The following PTGES variants were observed in gnomAD, a reference collection of about 807,000 sequenced individuals.
The protein encoded by PTGES is MGST1-like 1.
In PTGES, 3 loss-of-function variants were observed where a neutral mutation model predicts 11.8. That is an observed-to-expected ratio of 0.25 (90% CI 0.12 to 0.66). PTGES has a LOEUF of 0.66. PTGES is among the 30% of genes least tolerant of loss of function. PTGES has a pLI of 0.82. For synonymous variants in PTGES, 94 were observed against 90.4 expected (o/e 1.04, Z -0.22); for missense variants, 180 against 213.0 (o/e 0.85, Z 0.96).
intron 2 of PTGES, among the ~76,000 whole-genome samples, chr9:129,747,879 G>C (rs185370447): frequency 1.0e-3 from 157 of 151,878 alleles, no homozygotes; most frequent in Non-Finnish European, 2.0e-3. Flanking sequence ...GCATGATGGT[G>C]CACGCCTGTA....
chr9:129,752,414 G>A (rs1254762202), intron 1 of PTGES, among the ~76,000 whole-genome samples: 1 of 152,228 alleles, frequency 6.6e-6, no homozygotes, highest in Non-Finnish European at 1.5e-5. Flanking sequence ...GTGCCCGGCT[G>A]GGAGCTGGCC....
At chr9:129,744,884 A>C (rs1833036473) in intron 2 of PTGES, among the ~76,000 whole-genome samples, 1 of 152,090 alleles carries the variant, frequency 6.6e-6, no homozygotes, top group Non-Finnish European at 1.5e-5. Context: ...TCTCAAAAAA[A>C]AAAAAAATTT....
intron 2 of PTGES, among the ~76,000 whole-genome samples, chr9:129,744,316 G>T (rs1204270334): frequency 6.6e-6 from 1 of 152,158 alleles, no homozygotes; most frequent in African/African-American, 2.4e-5. Flanking sequence ...GGCTGGGTGT[G>T]GTGGCACACA....
In PTGES at chr9:129,745,470, G is replaced by A. The variant is rs1028018694; in HGVS notation, c.209+3185C>T. On this transcript the variant is annotated intron_variant, in intron 2 of 2. Coordinates refer to ENST00000340607, the MANE Select transcript of PTGES (RefSeq NM_004878.5). The surrounding 1 kb of genome is among the most constrained non-coding windows in gnomAD (Gnocchi z 4.2). The stretch of plus-strand genomic sequence containing the variant: ...TTGCTTCCAGGTGGTCTCCCCCTTC[G>A]GGTTCCAGCCAGTTCTCCGGTAGCA... Among the ~76,000 whole-genome samples, 1 of 152,098 alleles carries A rather than the reference G, an allele frequency of 6.6e-6. No homozygotes were observed. The highest frequency in any genetic ancestry group is 2.4e-5 in the African/African-American group (1 of 41,404).
At chr9:129,752,527 G>C in intron 1 of PTGES, among the ~76,000 whole-genome samples, 1 of 152,218 alleles carries the variant, frequency 6.6e-6, no homozygotes, top group East Asian at 1.9e-4. Context: ...ACTCCACCCA[G>C]ATATCAGACC....
chr9:129,739,364 GTCTTGAAATGGTT>G lies in PTGES; in HGVS notation c.*234_*246del. 1 of 538,336 alleles carries G rather than the reference GTCTTGAAATGGTT, an allele frequency of 1.9e-6. No homozygotes were observed. Among genetic ancestry groups the G allele is most frequent in the Non-Finnish European group, 3.3e-6 (1 of 303,828 alleles). The allele number at this position is 538,336 out of a possible 1,614,324, so 33.3% of individuals were successfully genotyped here. A position where few individuals can be genotyped will look rare whatever the true frequency, so the allele number is the denominator to read the frequency against. On this transcript the variant is annotated 3_prime_UTR_variant, in exon 3 of 3. Coordinates refer to ENST00000340607, the MANE Select transcript of PTGES (RefSeq NM_004878.5). This position sits in a 1 kb window ranked among gnomAD's most constrained non-coding sequence, Gnocchi z 5.7. The stretch of plus-strand genomic sequence containing the variant: ...GATTTTCTATCAATCTTCACAATCT[GTCTTGAAATGGTT>G]CCCATCAGCCACTTCGTGCAGGAAT...
chr9:129,742,390 G>A (rs1443843560), intron 2 of PTGES, among the ~76,000 whole-genome samples: 1 of 148,512 alleles, frequency 6.7e-6, no homozygotes, highest in East Asian at 2.0e-4. Flanking sequence ...TCTGGCAATT[G>A]AGCTGTGGGT....
chr9:129,745,793 C>G lies in PTGES; in HGVS notation c.209+2862G>C, dbSNP rs10988490. On this transcript the variant is annotated intron_variant, in intron 2 of 2. Coordinates refer to ENST00000340607, the MANE Select transcript of PTGES (RefSeq NM_004878.5). This position sits in a 1 kb window ranked among gnomAD's most constrained non-coding sequence, Gnocchi z 4.2. ...GCCTGTAATCCCAGCACTTTGGAAG[C>G]CCGAGGCAGGTGGATCACCTGAGGT... 0.094 allele frequency among the ~76,000 whole-genome samples: 14,224 copies of G among 152,106 alleles called. 715 individuals are homozygous for G. Among genetic ancestry groups the G allele is most frequent in the East Asian group, 0.2 (1,015 of 5,170 alleles).
chr9:129,748,589 C>A, intron 2 of PTGES, 66 bp downstream of exon 2: 2 of 1,335,758 alleles, frequency 1.5e-6, no homozygotes, highest in Non-Finnish European at 2.0e-6. Context: ...CCCCTGTGTG[C>A]AGAAGAAGTT....
chr9:129,750,325 C>T (rs1458885860), intron 1 of PTGES, among the ~76,000 whole-genome samples: 1 of 152,230 alleles, frequency 6.6e-6, no homozygotes, highest in African/African-American at 2.4e-5. Flanking sequence ...GTGGGCCTGC[C>T]CTGCCCTACC....
chr9:129,741,539 C>T (rs571290891), intron 2 of PTGES, among the ~76,000 whole-genome samples: 3 of 152,290 alleles, frequency 2.0e-5, no homozygotes, highest in South Asian at 2.1e-4. Context: ...TCTCACCCAG[C>T]GGTGGGGAAC....
chr9:129,746,091 C>T (rs1406935037), intron 2 of PTGES, among the ~76,000 whole-genome samples: 5 of 151,672 alleles, frequency 3.3e-5, no homozygotes, highest in Admixed American at 1.3e-4. Context: ...CCGGGTCTAT[C>T]GTCTCTCCAT....
At chr9:129,740,535 C>T (rs911523802) in intron 2 of PTGES, among the ~76,000 whole-genome samples, 10 of 152,186 alleles carry the variant, frequency 6.6e-5, no homozygotes, top group African/African-American at 1.4e-4. Flanking sequence ...GGCCAGCCCC[C>T]GGTGAAGCTC....
At chr9:129,748,397 G>A (rs779231508) in intron 2 of PTGES, among the ~76,000 whole-genome samples, 3 of 152,180 alleles carry the variant, frequency 2.0e-5, no homozygotes, top group Non-Finnish European at 4.4e-5. Context: ...GTGCCTGGAG[G>A]TCAGAGGTAG....
chr9:129,741,581 G>C (rs1170120577), intron 2 of PTGES, among the ~76,000 whole-genome samples: 3 of 152,182 alleles, frequency 2.0e-5, no homozygotes, highest in African/African-American at 7.2e-5. Context: ...TCAGAGGCTG[G>C]CTCTGGATAG....
chr9:129,746,830 T>C (rs962582481), intron 2 of PTGES, among the ~76,000 whole-genome samples: 12 of 152,230 alleles, frequency 7.9e-5, no homozygotes, highest in African/African-American at 2.7e-4. Context: ...GAGCAGAAAC[T>C]GCCAAAAAAA....
intron 2 of PTGES, among the ~76,000 whole-genome samples, chr9:129,741,374 C>A (rs1832992562): frequency 6.6e-6 from 1 of 152,182 alleles, no homozygotes; most frequent in Non-Finnish European, 1.5e-5. Flanking sequence ...GTAAACCCAG[C>A]AGGGCCTAGA....
intron 1 of PTGES, among the ~76,000 whole-genome samples, chr9:129,749,363 A>G (rs572283902): frequency 3.0e-4 from 45 of 151,990 alleles, no homozygotes; most frequent in African/African-American, 1.1e-3. Flanking sequence ...AAACAAACAA[A>G]CAAGCTGGGT....
At chr9:129,744,481 GAGA>G (rs1268888193) in intron 2 of PTGES, among the ~76,000 whole-genome samples, 3 of 148,644 alleles carry the variant, frequency 2.0e-5, no homozygotes, top group African/African-American at 5.0e-5. Flanking sequence ...AGGCTGAGGT[GAGA>G]AGATCGTTTG....
Sources: gnomAD v4.1 joint callset for allele counts (sites outside exome capture counted in the v4.1 genomes callset) on GRCh38, gnomAD v4.1.1 for gene constraint, Gnocchi (gnomAD v3.1) non-coding constraint, MANE v1.5 for transcripts, NCBI Gene and HGNC (gene_info 2026-07-23, HGNC 2026-07-21) for gene names.